The following CYB5D2 variants were observed in gnomAD, a reference collection of about 807,000 sequenced individuals.
The protein encoded by CYB5D2 is cytochrome b5 domain containing 2, also known as neuferricin.
In CYB5D2, 23 loss-of-function variants were observed where a neutral mutation model predicts 22.8. That is an observed-to-expected ratio of 1.01 (90% CI 0.73 to 1.43). The LOEUF is 1.43. Among genes scored for constraint, CYB5D2 ranks in the 40% most tolerant of loss-of-function variants. The pLI is 0.00. For synonymous variants in CYB5D2, 170 were observed against 152.2 expected (o/e 1.12, Z -0.86); for missense variants, 373 against 357.2 (o/e 1.04, Z -0.36).
intron 1 of CYB5D2, among the ~76,000 whole-genome samples, chr17:4,147,270 CAAAAAAG>C (rs1453738701): frequency 1.3e-5 from 2 of 150,940 alleles, no homozygotes; most frequent in Non-Finnish European, 3.0e-5. Context: ...GACTCTATCT[CAAAAAAG>C]AAAAAAACTA....
chr17:4,148,007 A>G (rs1264912434), intron 1 of CYB5D2, among the ~76,000 whole-genome samples: 1 of 152,246 alleles, frequency 6.6e-6, no homozygotes, highest in Non-Finnish European at 1.5e-5. Context: ...GTTTGTGTTT[A>G]AAGTATCAGT....
At chr17:4,155,758 C>A (rs1419575684) in intron 3 of CYB5D2, among the ~76,000 whole-genome samples, 1 of 152,244 alleles carries the variant, frequency 6.6e-6, no homozygotes, top group Non-Finnish European at 1.5e-5. Context: ...AGATGCTTGA[C>A]TTTGCTTCCT....
At position 4,154,737 on chromosome 17, in the gene CYB5D2, A is replaced by T; in HGVS notation, c.455A>T (p.Glu152Val). The change falls in exon 3 of 4, where the codon GAA (glutamate) becomes GTA (valine). Residue 152 changes from glutamate to valine, a missense_variant. Transcript: ENST00000301391. ...GLPTPALTQVEAAITRGLEAN... is the reference protein window; with the variant it reads ...GLPTPALTQVVAAITRGLEAN... ...CCCACCCCGGCACTGACCCAGGTAGAAGCTGCGATCACCAGAGGCTTGGAG... is the reference window on the plus strand; with the variant it reads ...CCCACCCCGGCACTGACCCAGGTAGTAGCTGCGATCACCAGAGGCTTGGAG... 1 of 1,614,218 alleles carries T rather than the reference A, an allele frequency of 6.2e-7. No homozygotes were observed. Among genetic ancestry groups the T allele is most frequent in the Admixed American group, 1.7e-5 (1 of 60,024 alleles).
chr17:4,153,621 GC>G (rs2059081477), intron 2 of CYB5D2, among the ~76,000 whole-genome samples: 1 of 152,220 alleles, frequency 6.6e-6, no homozygotes, highest in Non-Finnish European at 1.5e-5. Flanking sequence ...TGACCAGAGA[GC>G]AGTTAGGAGG....
rs146738774 is a variant in CYB5D2, at chr17:4,157,375, C to T, written c.*293C>T. Reference sequence around the variant, plus strand: ...TATCAACGGGCACAAATAAGACCAACTCAATTTCCACTTGAATTTACAACC... The same window carrying T: ...TATCAACGGGCACAAATAAGACCAATTCAATTTCCACTTGAATTTACAACC... On this transcript the variant is annotated 3_prime_UTR_variant, in exon 4 of 4. Coordinates refer to ENST00000301391, the MANE Select transcript of CYB5D2 (RefSeq NM_144611.4). The surrounding 1 kb of genome is among the most constrained non-coding windows in gnomAD (Gnocchi z 4.4). 203 of 475,108 alleles carry T rather than the reference C, an allele frequency of 4.3e-4. 1 individual carries two copies. Among genetic ancestry groups the T allele is most frequent in the East Asian group, 3.8e-3 (98 of 25,536 alleles). The allele number at this position is 475,108 out of a possible 1,614,324, so 29.4% of individuals were successfully genotyped here.
chr17:4,143,905 AGGGGACCCGGGCCTGTAC>A lies in CYB5D2; in HGVS notation c.151_168del (p.Gly51_Tyr56del). On this transcript the variant is annotated inframe_deletion, in exon 1 of 4. Transcript: ENST00000301391. ...AGCTGTCTCGCTACCGCGGCGGCCC[AGGGGACCCGGGCCTGTAC>A]TTGGCGTTGCTCGGCCGTGTCTACG... 1 of 1,613,792 alleles carries A rather than the reference AGGGGACCCGGGCCTGTAC, an allele frequency of 6.2e-7. No homozygotes were observed. Among genetic ancestry groups the A allele is most frequent in the Non-Finnish European group, 8.5e-7 (1 of 1,179,994 alleles).
At chr17:4,153,924 G>A (rs1201164057) in intron 2 of CYB5D2, among the ~76,000 whole-genome samples, 1 of 152,228 alleles carries the variant, frequency 6.6e-6, no homozygotes, top group Non-Finnish European at 1.5e-5. Flanking sequence ...CGAAGGTAAA[G>A]CTAGTTCTTA....
chr17:4,146,392 G>GT (rs930621937), intron 1 of CYB5D2, among the ~76,000 whole-genome samples: 72 of 149,536 alleles, frequency 4.8e-4, no homozygotes, highest in Non-Finnish European at 7.3e-4. Context: ...AAAATTCAGT[G>GT]TTTTTTTTGT....
chr17:4,145,702 A>C (rs1424988993), intron 1 of CYB5D2, among the ~76,000 whole-genome samples: 1 of 152,212 alleles, frequency 6.6e-6, no homozygotes, highest in Non-Finnish European at 1.5e-5. Context: ...TCTAGTTGGG[A>C]AGCAGTTATG....
Position 4,154,692 on chromosome 17 carries a change from T to C in CYB5D2, c.410T>C (p.Phe137Ser). ...ATCACAGGGAGGGTGACAGGACGGT[T>C]CTACGGAGAGGATGGGCTGCCCACC... is the stretch of plus-strand genomic sequence containing the variant. ...YVCVGRVTGR[F>S]YGEDGLPTPA... is the part of the protein sequence containing the mutation. Residue 137 changes from phenylalanine to serine, a missense_variant, in exon 3 of 4, where the codon TTC becomes TCC. Phe to Ser is a radical substitution (Grantham distance 155). Coordinates refer to ENST00000301391, the MANE Select transcript of CYB5D2 (RefSeq NM_144611.4). 6.2e-7 allele frequency: 1 copy of C among 1,614,138 alleles called. No individual in the cohort carries two copies. Among genetic ancestry groups the C allele is most frequent in the South Asian group, 1.1e-5 (1 of 91,072 alleles).
intron 2 of CYB5D2, among the ~76,000 whole-genome samples, chr17:4,151,287 C>T (rs145138278): frequency 4.3e-4 from 66 of 152,312 alleles, no homozygotes; most frequent in African/African-American, 1.5e-3. Flanking sequence ...GCACTGACCT[C>T]TACTCACCTG....
Position 4,149,740 on chromosome 17 carries a change from A to C in CYB5D2, c.251-151A>C, listed in dbSNP as rs144222377. ...CTTGAAAGCGGAAGGCAGAGGTTGC[A>C]GTGAGCTGAAATCATGCCACTGCAC... On this transcript the variant is annotated intron_variant, in intron 1 of 3. Coordinates refer to ENST00000301391, the MANE Select transcript of CYB5D2 (RefSeq NM_144611.4). The C allele has an allele frequency of 1.8e-3, 1,628 of 885,428 alleles. 3 individuals are homozygous for C. Among genetic ancestry groups the C allele is most frequent in the Middle Eastern group, 3.6e-3 (14 of 3,880 alleles). The allele number at this position is 885,428 out of a possible 1,614,324, so 54.8% of individuals were successfully genotyped here.
At chr17:4,143,194 G>A (rs1226858737), upstream of CYB5D2, 1 of 342,806 alleles carries the variant, frequency 2.9e-6, no homozygotes, top group Non-Finnish European at 5.0e-6. Context: ...AGCCTCCGCT[G>A]CCGCCATCTT....
At chr17:4,152,644 C>T (rs1349951304) in intron 2 of CYB5D2, among the ~76,000 whole-genome samples, 3 of 152,212 alleles carry the variant, frequency 2.0e-5, no homozygotes, top group African/African-American at 7.2e-5. Context: ...ATAACACAGA[C>T]ACCCCAACCC....
chr17:4,155,250 G>C (rs964587850), intron 3 of CYB5D2, among the ~76,000 whole-genome samples: 1 of 152,110 alleles, frequency 6.6e-6, no homozygotes, highest in South Asian at 2.1e-4. Flanking sequence ...CACAAATCAT[G>C]CCTATCTATA....
rs1342423375 is a variant in CYB5D2 at position 4,143,909 on chromosome 17, G to T, written c.154G>T (p.Asp52Tyr). The T allele has an allele frequency of 1.2e-6, 2 of 1,613,834 alleles. No individual in the cohort carries two copies. Among genetic ancestry groups the T allele is most frequent in the South Asian group, 1.1e-5 (1 of 91,062 alleles). ...ELSRYRGGPGDPGLYLALLGR... is the reference protein window; with the variant it reads ...ELSRYRGGPGYPGLYLALLGR... Reference sequence around the variant, plus strand: ...GTCTCGCTACCGCGGCGGCCCAGGGGACCCGGGCCTGTACTTGGCGTTGCT... The same window carrying T: ...GTCTCGCTACCGCGGCGGCCCAGGGTACCCGGGCCTGTACTTGGCGTTGCT... The change falls in exon 1 of 4, where the codon GAC (aspartate) becomes TAC (tyrosine). Residue 52 changes from aspartate (D) to tyrosine (Y), a missense_variant. Physicochemically the swap from Asp to Tyr is radical, Grantham distance 160 (BLOSUM62 -3). Coordinates refer to ENST00000301391, the MANE Select transcript of CYB5D2 (RefSeq NM_144611.4).
Position 4,143,602 on chromosome 17 carries a change from A to G in CYB5D2, c.-154A>G. 9.0e-7 allele frequency: 1 copy of G among 1,106,392 alleles called. No homozygotes were observed. Among genetic ancestry groups the G allele is most frequent in the Admixed American group, 2.5e-5 (1 of 40,280 alleles). The allele number at this position is 1,106,392 out of a possible 1,614,324, so 68.5% of individuals were successfully genotyped here. On this transcript the variant is annotated 5_prime_UTR_variant, in exon 1 of 4. Coordinates refer to ENST00000301391, the MANE Select transcript of CYB5D2 (RefSeq NM_144611.4). ...TCGCCAGTGCCAGGAATACAGATAA[A>G]ACGAGAGAGACTAAGGGAGGGAGCG...
intron 1 of CYB5D2, among the ~76,000 whole-genome samples, chr17:4,146,536 G>A (rs576278719): frequency 2.0e-5 from 3 of 152,064 alleles, no homozygotes; most frequent in Non-Finnish European, 2.9e-5. Flanking sequence ...GACTACAGGC[G>A]TCCACCACCA....
At position 4,157,205 on chromosome 17, in the gene CYB5D2, C is replaced by A; in HGVS notation, c.*123C>A. 1 of 1,120,834 alleles carries A rather than the reference C, an allele frequency of 8.9e-7. No individual in the cohort carries two copies. The highest frequency in any genetic ancestry group is 1.6e-5 in the African/African-American group (1 of 64,282). 69.4% of individuals were successfully genotyped at this position (1,120,834 alleles called of 1,614,324 possible). On this transcript the variant is annotated 3_prime_UTR_variant, in exon 4 of 4. Transcript: ENST00000301391. This position sits in a 1 kb window ranked among gnomAD's most constrained non-coding sequence, Gnocchi z 4.4. ...TCAGGAGGGTCTGGAAGGACTCTGGCTATATTCTGCAAATGTGGCTCATGC... is the reference window on the plus strand; with the variant it reads ...TCAGGAGGGTCTGGAAGGACTCTGGATATATTCTGCAAATGTGGCTCATGC...
Sources: gnomAD v4.1 joint callset for allele counts (sites outside exome capture counted in the v4.1 genomes callset) on GRCh38, gnomAD v4.1.1 for gene constraint, Gnocchi (gnomAD v3.1) non-coding constraint, MANE v1.5 for transcripts, NCBI Gene and HGNC (gene_info 2026-07-23, HGNC 2026-07-21) for gene names.